The following RIOK2 variants were observed in gnomAD, a reference collection of about 807,000 sequenced individuals.
RIOK2 encodes serine/threonine-protein kinase RIO2.
RIOK2 carries 46 observed loss-of-function variants against 62.4 expected under a neutral mutation model. That is an observed-to-expected ratio of 0.74 (90% CI 0.58 to 0.94). The LOEUF is 0.94. RIOK2 is among the 40% of genes least tolerant of loss of function. The probability of loss-of-function intolerance (pLI) is 0.00; values close to 1 mark genes in which losing one functional copy is unlikely to be tolerated. For synonymous variants in RIOK2, 197 were observed against 216.0 expected (o/e 0.91, Z 0.77); for missense variants, 574 against 658.0 (o/e 0.87, Z 1.40).
In RIOK2 at chr5:97,162,948, G is replaced by A. The variant is rs1441834588; in HGVS notation, c.*113C>T. The A allele has an allele frequency of 2.3e-6, 2 of 851,956 alleles. No homozygotes were observed. The highest frequency in any genetic ancestry group is 3.4e-5 in the African/African-American group (2 of 58,278). The allele number at this position is 851,956 out of a possible 1,614,324, so 52.8% of individuals were successfully genotyped here. A position where few individuals can be genotyped will look rare whatever the true frequency, so the allele number is the denominator to read the frequency against. ...ATGACCAAATTTATAGATGAAAGAG[G>A]GTTTATTTATTAATATATGATAGCC... On this transcript the variant is annotated 3_prime_UTR_variant, in exon 10 of 10. Transcript: ENST00000283109.
Position 97,171,384 on chromosome 5 carries a change from G to C in RIOK2, c.601C>G (p.His201Asp). Reference sequence around the variant, plus strand: ...TATACTGATGCAGGATCTTCAACATGGTGTATCTGACATCTGAAAGTATTT... The same window carrying C: ...TATACTGATGCAGGATCTTCAACATCGTGTATCTGACATCTGAAAGTATTT... ...INGYPLCQIHHVEDPASVYDE... is the reference protein window; with the variant it reads ...INGYPLCQIHDVEDPASVYDE... Residue 201 changes from histidine to aspartate, a missense_variant, in exon 6 of 10, where the codon CAT becomes GAT. His to Asp is a moderately conservative substitution (Grantham distance 81). Coordinates refer to ENST00000283109, the MANE Select transcript of RIOK2 (RefSeq NM_018343.3). The C allele has an allele frequency of 6.5e-7, 1 of 1,529,422 alleles. No individual in the cohort carries two copies. The highest frequency in any genetic ancestry group is 8.8e-7 in the Non-Finnish European group (1 of 1,137,448). The allele number at this position is 1,529,422 out of a possible 1,614,324, so 94.7% of individuals were successfully genotyped here. A position where few individuals can be genotyped will look rare whatever the true frequency, so the allele number is the denominator to read the frequency against.
rs770830670 is a variant in RIOK2 at position 97,177,185 on chromosome 5, T to C, written c.429A>G (p.Lys143=). The change falls in exon 4 of 10, where the codon AAA becomes AAG. Residue 143 remains lysine, a synonymous_variant. Transcript: ENST00000283109. ...ATAGCCATGACACATTGTGCCTATGTTTATGATAATCGCGTTTGTTTTTCA... is the reference window on the plus strand; with the variant it reads ...ATAGCCATGACACATTGTGCCTATGCTTATGATAATCGCGTTTGTTTTTCA... The part of the protein sequence containing the change: ...RNLKNKRDYH[K]HRHNVSWLYL... 1.0e-4 allele frequency: 163 copies of C among 1,613,308 alleles called. No individual in the cohort carries two copies. Among genetic ancestry groups the C allele is most frequent in the Non-Finnish European group, 1.3e-4 (156 of 1,179,564 alleles).
At chr5:97,171,453 G>C (rs1480469934) in intron 5 of RIOK2, 56 bp from the exon 6 acceptor site, 1 of 1,290,764 alleles carries the variant, frequency 7.7e-7, no homozygotes, top group Non-Finnish European at 1.0e-6. Flanking sequence ...CGGTTTTAAC[G>C]AAAGTATGTA....
Position 97,163,062 on chromosome 5 carries a change from T to C in RIOK2, c.1658A>G (p.Ter553=). The C allele has an allele frequency of 6.2e-7, 1 of 1,608,148 alleles. No individual in the cohort carries two copies. Among genetic ancestry groups the C allele is most frequent in the Non-Finnish European group, 8.5e-7 (1 of 1,176,460 alleles). ...AACATATCCAAGATCCTAAATATAT[T>C]ATTCTCCCCAAAAGCTGGCTGCTTC... ...SLEAASFWGE[*] The change falls in exon 10 of 10, where the codon TAA becomes TGA. Residue 553 remains the stop codon, a stop_retained_variant. Coordinates refer to ENST00000283109, the MANE Select transcript of RIOK2 (RefSeq NM_018343.3).
At position 97,179,549 on chromosome 5, in the gene RIOK2, C is replaced by T. The variant is rs114726561; in HGVS notation, c.67-356G>A. Among the ~76,000 whole-genome samples the T allele has an allele frequency of 9.7e-3, 1,462 of 151,058 alleles. 29 individuals carry two copies. Among genetic ancestry groups the T allele is most frequent in the African/African-American group, 0.034 (1,399 of 40,962 alleles). On this transcript the variant is annotated intron_variant, in intron 1 of 9. Transcript: ENST00000283109. ...ATGAGAAAGTACTACATGTAGGCAT[C>T]GTAGAGGATATATATATATATATGA...
Position 97,173,253 on chromosome 5 carries a change from T to C in RIOK2, c.509A>G (p.Glu170Gly), listed in dbSNP as rs773112879. 6.2e-7 allele frequency: 1 copy of C among 1,612,330 alleles called. No homozygotes were observed. The highest frequency in any genetic ancestry group is 1.1e-5 in the South Asian group (1 of 90,924). Residue 170 changes from glutamate to glycine, a missense_variant, in exon 5 of 10, where the codon GAG becomes GGG. By Grantham distance (98) the Glu-to-Gly change is moderately conservative. Coordinates refer to ENST00000283109, the MANE Select transcript of RIOK2 (RefSeq NM_018343.3). ...TGGCTTTGGAACTGGAAATTTCCTC[T>C]CATACAATGCCTAAAATGTTGCAAA... ...KEFAYMKALY[E>G]RKFPVPKPID...
Position 97,162,162 on chromosome 5 carries a change from C to T in RIOK2, c.*899G>A, listed in dbSNP as rs56410653. 7,594 of 152,068 alleles carry T rather than the reference C, an allele frequency of 0.05. 208 individuals carry two copies. Among genetic ancestry groups the T allele is most frequent in the East Asian group, 0.099 (509 of 5,166 alleles). The allele number at this position is 152,068 out of a possible 1,614,324, so 9.4% of individuals were successfully genotyped here. ...ATATTGCCATCTAGTGGCCATTTTTCGCTGCAAGTGATCCCCTTTTCCGAC... is the reference window on the plus strand; with the variant it reads ...ATATTGCCATCTAGTGGCCATTTTTTGCTGCAAGTGATCCCCTTTTCCGAC... On this transcript the variant is annotated 3_prime_UTR_variant, in exon 10 of 10. Coordinates refer to ENST00000283109, the MANE Select transcript of RIOK2 (RefSeq NM_018343.3).
At chr5:97,170,167 A>G (rs1332688134) in intron 6 of RIOK2, among the ~76,000 whole-genome samples, 2 of 152,190 alleles carry the variant, frequency 1.3e-5, no homozygotes, top group Admixed American at 1.3e-4. Flanking sequence ...TAGTTTAGGA[A>G]AAAAGTTTCT....
chr5:97,181,229 G>A lies in RIOK2; in HGVS notation c.66+1897C>T, dbSNP rs1369508820. On this transcript the variant is annotated intron_variant, in intron 1 of 9. Transcript: ENST00000283109. ...GAAGGTTGCAGTGAGCTGAGATTGT[G>A]CCACTGCACTCCAGCCTGGCAACAG... Among the ~76,000 whole-genome samples the A allele has an allele frequency of 6.9e-5, 10 of 144,202 alleles. No homozygotes were observed. The Admixed American group carries it at 7.1e-4, about 10-fold the overall frequency. The allele number at this position is 144,202 out of a possible 152,430, so 94.6% of individuals were successfully genotyped here. A position where few individuals can be genotyped will look rare whatever the true frequency, so the allele number is the denominator to read the frequency against.
intron 1 of RIOK2, among the ~76,000 whole-genome samples, chr5:97,182,203 C>T (rs897466000): frequency 6.6e-6 from 1 of 152,134 alleles, no homozygotes; most frequent in Non-Finnish European, 1.5e-5. Flanking sequence ...TTGTTACTCC[C>T]CTGATTAAAA....
chr5:97,174,616 G>C (rs1217889066), intron 4 of RIOK2, among the ~76,000 whole-genome samples: 1 of 151,960 alleles, frequency 6.6e-6, no homozygotes, highest in Admixed American at 6.6e-5. Flanking sequence ...ATAGATTCAT[G>C]TCATTGCCCA....
rs773784175 is a variant in RIOK2, at chr5:97,177,247, T to A, written c.367A>T (p.Lys123Ter). The change falls in exon 4 of 10, where the codon AAG (lysine) becomes TAG (stop). Residue 123 changes from lysine to a stop codon, truncating the protein, a stop_gained. Coordinates refer to ENST00000283109, the MANE Select transcript of RIOK2 (RefSeq NM_018343.3). LOFTEE classifies it high-confidence loss of function. ...GAGGTTCTTCCTAGTCTGTGAAGCT[T>A]TAATGCAAATTGTTGTCCTTCTTCA... ...ANEEGQQFAL[K>*]LHRLGRTSFR... is the part of the protein sequence containing the mutation. 6.2e-7 allele frequency: 1 copy of A among 1,613,292 alleles called. No homozygotes were observed. Among genetic ancestry groups the A allele is most frequent in the South Asian group, 1.1e-5 (1 of 90,966 alleles).
chr5:97,168,015 TAGAA>T (rs1748895371), intron 7 of RIOK2, 24 bp from the exon 8 acceptor site: 1 of 1,546,246 alleles, frequency 6.5e-7, no homozygotes, highest in Non-Finnish European at 8.6e-7. Context: ...GCGTCAAGCA[TAGAA>T]AGAGAGAAAA....
intron 4 of RIOK2, among the ~76,000 whole-genome samples, chr5:97,175,284 C>T (rs938675650): frequency 4.6e-5 from 7 of 152,138 alleles, no homozygotes; most frequent in African/African-American, 1.7e-4. Flanking sequence ...TTTTTAAATA[C>T]TTTTTTTCAG....
At chr5:97,169,189 T>C (rs143005535) in intron 6 of RIOK2, among the ~76,000 whole-genome samples, 1 of 152,178 alleles carries the variant, frequency 6.6e-6, no homozygotes, top group Non-Finnish European at 1.5e-5. Flanking sequence ...GGTTTGGGGA[T>C]AGGTTTCCAC....
At position 97,161,957 on chromosome 5, in the gene RIOK2, C is replaced by T. The variant is rs1051420835; in HGVS notation, c.*1104G>A. On this transcript the variant is annotated 3_prime_UTR_variant, in exon 10 of 10. Transcript: ENST00000283109. ...AAGAGGAATTGGCATTTTCTAGCTT[C>T]TATATATTTAAGCCAATTTATTAGA... 7 of 151,272 alleles carry T rather than the reference C, an allele frequency of 4.6e-5. No homozygotes were observed. In the East Asian group the frequency reaches 1.3e-3, roughly 29 times the overall value. 9.4% of individuals were successfully genotyped at this position (151,272 alleles called of 1,614,324 possible).
At chr5:97,179,991 AAAT>A (rs1749303765) in intron 1 of RIOK2, among the ~76,000 whole-genome samples, 1 of 43,314 alleles carries the variant, frequency 2.3e-5, no homozygotes, top group African/African-American at 1.1e-4. Context: ...TATATATATA[AAAT>A]ATATATATAT....
At chr5:97,173,997 C>T (rs76431967) in intron 4 of RIOK2, among the ~76,000 whole-genome samples, 1,588 of 152,294 alleles carry the variant, frequency 0.01, 38 homozygotes, top group African/African-American at 0.037. Context: ...TACTTTTGCA[C>T]CAACATATAC....
At chr5:97,175,490 T>C (rs774772207) in intron 4 of RIOK2, among the ~76,000 whole-genome samples, 2 of 152,190 alleles carry the variant, frequency 1.3e-5, no homozygotes, top group East Asian at 3.8e-4. Flanking sequence ...TTCCTATACC[T>C]TCAATATAAA....
Sources: gnomAD v4.1 joint callset for allele counts (sites outside exome capture counted in the v4.1 genomes callset) on GRCh38, gnomAD v4.1.1 for gene constraint, MANE v1.5 for transcripts, NCBI Gene and HGNC (gene_info 2026-07-23, HGNC 2026-07-21) for gene names.